Variants in SPOCK3 observed in about 807,000 individuals in gnomAD.
The protein encoded by SPOCK3 is testican-3.
SPOCK3 carries 30 observed loss-of-function variants against 56.6 expected under a neutral mutation model. That is an observed-to-expected ratio of 0.53 (90% CI 0.40 to 0.72). The LOEUF (loss-of-function observed/expected upper bound fraction) is 0.72. Among genes scored for constraint, SPOCK3 ranks in the 30% least tolerant of loss-of-function variants. The pLI is 0.00. For missense variants in SPOCK3, 527 were observed against 530.0 expected, an observed-to-expected ratio of 0.99 and a Z score of 0.06; for synonymous variants, 196 against 183.3, an observed-to-expected ratio of 1.07 and a Z score of -0.56.
intron 3 of SPOCK3, 75 bp downstream of exon 3, chr4:167,062,417 A>C (rs545220796): frequency 8.6e-7 from 1 of 1,158,588 alleles, no homozygotes; most frequent in East Asian, 2.4e-5. Flanking sequence ...CTAACCAGAC[A>C]GTAAATATCA....
intron 2 of SPOCK3, among the ~76,000 whole-genome samples, chr4:167,172,909 G>T (rs1214466028): frequency 6.6e-6 from 1 of 151,956 alleles, no homozygotes; most frequent in East Asian, 1.9e-4. Flanking sequence ...TAATATTTCA[G>T]GTAGAAATTA....
chr4:167,216,641 A>G (rs1392193082), intron 2 of SPOCK3, among the ~76,000 whole-genome samples: 1 of 152,096 alleles, frequency 6.6e-6, no homozygotes, highest in African/African-American at 2.4e-5. Flanking sequence ...AGGTCATTTA[A>G]ATTTTTTTTG....
intron 4 of SPOCK3, among the ~76,000 whole-genome samples, chr4:166,917,375 C>G (rs1737976416): frequency 6.6e-6 from 1 of 151,844 alleles, no homozygotes; most frequent in South Asian, 2.1e-4. Flanking sequence ...GCTCTGTGTC[C>G]TCACCCAAAT....
chr4:166,741,929 A>G, intron 9 of SPOCK3, 68 bp downstream of exon 9: 3 of 1,076,228 alleles, frequency 2.8e-6, no homozygotes, highest in South Asian at 1.3e-5. Context: ...TATTGATTTT[A>G]TGTTGCTGTT....
chr4:167,081,830 G>A (rs1412303369), intron 2 of SPOCK3, among the ~76,000 whole-genome samples: 1 of 152,014 alleles, frequency 6.6e-6, no homozygotes, highest in Non-Finnish European at 1.5e-5. Flanking sequence ...AATAGGAGTA[G>A]GGAAAGCAGA....
At chr4:166,899,107 C>T (rs759109911) in intron 5 of SPOCK3, among the ~76,000 whole-genome samples, 4 of 151,924 alleles carry the variant, frequency 2.6e-5, no homozygotes, top group Non-Finnish European at 5.9e-5. Flanking sequence ...ACCATCTGGC[C>T]CTTGACTCTC....
At chr4:167,006,317 C>T (rs1476184194) in intron 3 of SPOCK3, among the ~76,000 whole-genome samples, 8 of 152,060 alleles carry the variant, frequency 5.3e-5, no homozygotes, top group Admixed American at 5.2e-4. Flanking sequence ...CCTGAGCTTT[C>T]GGTGAGATTC....
intron 2 of SPOCK3, among the ~76,000 whole-genome samples, chr4:167,099,728 T>G (rs1404585758): frequency 5.3e-5 from 8 of 152,122 alleles, no homozygotes; most frequent in Non-Finnish European, 1.0e-4. Context: ...TTAAAAAATT[T>G]TAAAAGAACA....
At chr4:166,745,750 T>C (rs12644198) in intron 8 of SPOCK3, among the ~76,000 whole-genome samples, 36,959 of 151,856 alleles carry the variant, frequency 0.24, 5,464 homozygotes, top group African/African-American at 0.41. Flanking sequence ...ACCCATCTCA[T>C]GTGCAGAGAC....
chr4:167,114,968 C>T (rs1761207103), intron 2 of SPOCK3, among the ~76,000 whole-genome samples: 1 of 151,732 alleles, frequency 6.6e-6, no homozygotes, highest in African/African-American at 2.4e-5. Context: ...TTATGAGATA[C>T]TATGTTAAAA....
chr4:167,083,259 C>G (rs776749169), intron 2 of SPOCK3: 1 of 765,378 alleles, frequency 1.3e-6, no homozygotes, highest in South Asian at 1.3e-5. Context: ...CAGACTTTCC[C>G]TAAGATTCCT....
At chr4:167,119,044 A>G (rs991305649) in intron 2 of SPOCK3, among the ~76,000 whole-genome samples, 3 of 149,406 alleles carry the variant, frequency 2.0e-5, no homozygotes, top group Non-Finnish European at 3.0e-5. Context: ...CAAGAAGTTC[A>G]TCATGTTCCC....
At chr4:167,046,283 T>A (rs2150210628) in intron 3 of SPOCK3, among the ~76,000 whole-genome samples, 1 of 152,028 alleles carries the variant, frequency 6.6e-6, no homozygotes, top group African/African-American at 2.4e-5. Context: ...AGCTTAAAAA[T>A]AATATGCCTA....
chr4:166,790,986 C>A (rs1741282661), intron 7 of SPOCK3, among the ~76,000 whole-genome samples: 1 of 152,090 alleles, frequency 6.6e-6, no homozygotes, highest in South Asian at 2.1e-4. Flanking sequence ...AGTTAAAGCT[C>A]AAAGGCATCA....
chr4:167,072,313 A>T (rs534649592), intron 2 of SPOCK3, among the ~76,000 whole-genome samples: 1 of 152,154 alleles, frequency 6.6e-6, no homozygotes, highest in East Asian at 1.9e-4. Flanking sequence ...TTTTGTAAAT[A>T]AAGTTTTATT....
chr4:166,898,296 C>A (rs1735629980), intron 5 of SPOCK3, among the ~76,000 whole-genome samples: 1 of 152,048 alleles, frequency 6.6e-6, no homozygotes, highest in Non-Finnish European at 1.5e-5. Context: ...AACCTCTGGG[C>A]AGGGGGAGGA....
At chr4:167,175,611 G>A (rs1043352631) in intron 2 of SPOCK3, among the ~76,000 whole-genome samples, 17 of 151,960 alleles carry the variant, frequency 1.1e-4, no homozygotes, top group Admixed American at 5.9e-4. Context: ...CTTATAATAC[G>A]GGGAAACTTG....
intron 2 of SPOCK3, among the ~76,000 whole-genome samples, chr4:167,069,923 GTTTTCCCTTCTGGAT>G (rs1756515923): frequency 6.6e-6 from 1 of 151,848 alleles, no homozygotes; most frequent in Non-Finnish European, 1.5e-5. Context: ...CCACTGGCTT[GTTTTCCCTTCTGGAT>G]TTTTCATTCA....
At chr4:167,088,780 A>G (rs1043199511) in intron 2 of SPOCK3, among the ~76,000 whole-genome samples, 19 of 152,198 alleles carry the variant, frequency 1.2e-4, no homozygotes, top group Middle Eastern at 3.4e-3. Context: ...TTTAAGGCCA[A>G]TGCAAGTATT....
Sources: gnomAD v4.1 joint callset for allele counts (sites outside exome capture counted in the v4.1 genomes callset) on GRCh38, gnomAD v4.1.1 for gene constraint, MANE v1.5 for transcripts, NCBI Gene and HGNC (gene_info 2026-07-23, HGNC 2026-07-21) for gene names.